The following HELQ variants were observed in gnomAD, a reference collection of about 807,000 sequenced individuals.
HELQ encodes helicase, POLQ like.
A neutral mutation model predicts 111.6 loss-of-function variants in HELQ; 77 were observed. The observed-to-expected ratio is 0.69, with a 90% CI of 0.57 to 0.83. HELQ has a LOEUF of 0.83. Among genes scored for constraint, HELQ ranks in the 40% least tolerant of loss-of-function variants. The pLI is 0.00. For synonymous variants in HELQ, 438 were observed against 454.7 expected, an observed-to-expected ratio of 0.96 and a Z score of 0.47; for missense variants, 1,200 against 1,288.5, an observed-to-expected ratio of 0.93 and a Z score of 1.05.
In HELQ at chr4:83,415,767, G is replaced by T. The variant is rs572329536; in HGVS notation, c.3198+964C>A. On this transcript the variant is annotated intron_variant, in intron 17 of 17. Transcript: ENST00000295488. ...CATGCCTCAGCTTCCTGAGTAGCTGGGATTACAGGTGTGGGCCTACAGGTG... is the reference window on the plus strand; with the variant it reads ...CATGCCTCAGCTTCCTGAGTAGCTGTGATTACAGGTGTGGGCCTACAGGTG... 5.8e-4 allele frequency among the ~76,000 whole-genome samples: 88 copies of T among 152,038 alleles called. 2 individuals are homozygous for T. In the South Asian group the frequency reaches 0.017, roughly 30 times the overall value.
intron 2 of HELQ, among the ~76,000 whole-genome samples, chr4:83,449,601 T>C (rs1721239319): frequency 6.6e-6 from 1 of 152,190 alleles, no homozygotes; most frequent in South Asian, 2.1e-4. Flanking sequence ...AGATCCAAGA[T>C]ACCGTGTGAA....
In HELQ at chr4:83,418,399, C is replaced by T. The variant is rs368274316; in HGVS notation, c.2950-193G>A. Among the ~76,000 whole-genome samples, 15 of 152,160 alleles carry T rather than the reference C, an allele frequency of 9.9e-5. 1 individual carries two copies. The highest frequency in any genetic ancestry group is 8.5e-4 in the Admixed American group (13 of 15,268). On this transcript the variant is annotated intron_variant, in intron 15 of 17. Coordinates refer to ENST00000295488, the MANE Select transcript of HELQ (RefSeq NM_133636.5). ...GGAGGACCCTGAGGAATTTGAGGAACTGGTTTTAGGATGAGGAAAAGATTG... is the reference window on the plus strand; with the variant it reads ...GGAGGACCCTGAGGAATTTGAGGAATTGGTTTTAGGATGAGGAAAAGATTG...
intron 9 of HELQ, among the ~76,000 whole-genome samples, chr4:83,432,909 A>G (rs1039938479): frequency 1.3e-5 from 2 of 151,890 alleles, no homozygotes; most frequent in African/African-American, 2.4e-5. Flanking sequence ...AACAACAAAA[A>G]ACTGGCTGGG....
intron 3 of HELQ, 63 bp downstream of exon 3, chr4:83,448,720 A>C (rs1721186212): frequency 7.5e-7 from 1 of 1,327,918 alleles, no homozygotes; most frequent in Non-Finnish European, 1.1e-6. Flanking sequence ...TATCACATTT[A>C]CAGATCTTAA....
chr4:83,430,636 A>C (rs1327412555), intron 11 of HELQ, among the ~76,000 whole-genome samples: 1 of 152,208 alleles, frequency 6.6e-6, no homozygotes, highest in East Asian at 1.9e-4. Flanking sequence ...ATGCTATTTC[A>C]ACTGGAAAAT....
At chr4:83,434,239 T>C (rs1407884491) in intron 9 of HELQ, among the ~76,000 whole-genome samples, 3 of 150,900 alleles carry the variant, frequency 2.0e-5, no homozygotes, top group African/African-American at 4.9e-5. Flanking sequence ...GGTGTGGTGG[T>C]GGGCGCCTGT....
rs750213854 is a variant in HELQ, at chr4:83,436,861, C to T, written c.2045G>A (p.Arg682Gln). 18 of 1,612,456 alleles carry T rather than the reference C, an allele frequency of 1.1e-5. No individual in the cohort carries two copies. The Admixed American group carries it at 1.2e-4, about 10-fold the overall frequency. The change falls in exon 9 of 18, where the codon CGA becomes CAA. Residue 682 changes from arginine to glutamine, a missense_variant. Physicochemically the swap from Arg to Gln is conservative, Grantham distance 43. This residue lies in a region of HELQ where 585 missense variants were observed against 665.3 expected (regional missense o/e 0.88). Coordinates refer to ENST00000295488, the MANE Select transcript of HELQ (RefSeq NM_133636.5). ...TLAAGVNLPA[R>Q]RVILRAPYVA... ...TCAACACTTACTTATCTCTTACCTT[C>T]GAGCTGGTAGGTTGACACCTGCCGC...
Position 83,439,911 on chromosome 4 carries a change from T to C in HELQ, c.1760A>G (p.Lys587Arg). 6.2e-7 allele frequency: 1 copy of C among 1,606,018 alleles called. No individual in the cohort carries two copies. The highest frequency in any genetic ancestry group is 8.5e-7 in the Non-Finnish European group (1 of 1,173,660). Reference protein sequence around the residue: ...NYSCLVFCPSKKNCENVAEMI... With the variant: ...NYSCLVFCPSRKNCENVAEMI... Reference sequence around the variant, plus strand: ...TTCTGCTACATTTTCACAGTTCTTCTTACTAGGACAAAAAACTAAGCAGGA... The same window carrying C: ...TTCTGCTACATTTTCACAGTTCTTCCTACTAGGACAAAAAACTAAGCAGGA... The change falls in exon 8 of 18, where the codon AAG becomes AGG. Residue 587 changes from lysine to arginine, a missense_variant. Physicochemically the swap from Lys to Arg is conservative, Grantham distance 26. Transcript: ENST00000295488.
intron 17 of HELQ, among the ~76,000 whole-genome samples, chr4:83,411,080 A>G (rs1206682443): frequency 1.0e-4 from 15 of 146,644 alleles, no homozygotes; most frequent in Non-Finnish European, 1.8e-4. Context: ...GGATCACCTG[A>G]GCTTGGGAGG....
At chr4:83,408,792 A>G (rs992651489) in intron 17 of HELQ, among the ~76,000 whole-genome samples, 5 of 151,996 alleles carry the variant, frequency 3.3e-5, no homozygotes, top group African/African-American at 1.2e-4. Context: ...CATGAACAAG[A>G]TAAGAGGGAA....
rs559792928 is a variant in HELQ, at chr4:83,412,164, C to T, written c.3198+4567G>A. ...ATTTCAGAACTGCTGCTGTGCACTACCCATTTTCCTTCTTTATGAATGAGA... is the reference window on the plus strand; with the variant it reads ...ATTTCAGAACTGCTGCTGTGCACTATCCATTTTCCTTCTTTATGAATGAGA... On this transcript the variant is annotated intron_variant, in intron 17 of 17. Coordinates refer to ENST00000295488, the MANE Select transcript of HELQ (RefSeq NM_133636.5). Among the ~76,000 whole-genome samples, 68 of 152,308 alleles carry T rather than the reference C, an allele frequency of 4.5e-4. 1 individual carries two copies. In the South Asian group the frequency reaches 0.013, roughly 30 times the overall value.
rs1172802420 is a variant in HELQ at position 83,416,819 on chromosome 4, T to C, written c.3110A>G (p.His1037Arg). ...CACTTCAGGATTTGCATTAGCTAAGTGCATTAGACTTTTGTAACCTGCACT... is the reference window on the plus strand; with the variant it reads ...CACTTCAGGATTTGCATTAGCTAAGCGCATTAGACTTTTGTAACCTGCACT... The part of the protein sequence containing the change: ...LYSAGYKSLM[H>R]LANANPEVLV... Residue 1037 changes from histidine to arginine, a missense_variant, in exon 17 of 18, where the codon CAC becomes CGC. By Grantham distance (29) the His-to-Arg change is conservative (BLOSUM62 0). This residue lies in a region of HELQ where 585 missense variants were observed against 665.3 expected (regional missense o/e 0.88). Transcript: ENST00000295488. The C allele has an allele frequency of 6.2e-7, 1 of 1,613,726 alleles. No individual in the cohort carries two copies. Among genetic ancestry groups the C allele is most frequent in the African/African-American group, 1.3e-5 (1 of 74,924 alleles).
Position 83,455,594 on chromosome 4 carries a change from G to A in HELQ, c.100C>T (p.Leu34Phe), listed in dbSNP as rs528331573. 2.7e-5 allele frequency: 43 copies of A among 1,614,114 alleles called. No homozygotes were observed. The highest frequency in any genetic ancestry group is 3.4e-5 in the Non-Finnish European group (40 of 1,180,026). Residue 34 changes from leucine (L) to phenylalanine (F), a missense_variant, in exon 1 of 18, where the codon CTC becomes TTC. Leu to Phe is a conservative substitution (Grantham distance 22). Around this residue, in one of 3 missense-constraint regions of HELQ, gnomAD observed 610 missense variants for 607.1 expected, o/e 1.00. Transcript: ENST00000295488. Reference protein sequence around the residue: ...CIFGAPTAAELVPGDEGKEEE... With the variant: ...CIFGAPTAAEFVPGDEGKEEE... ...TCTTTCCCCTCATCTCCGGGCACGA[G>A]CTCGGCCGCGGTGGGAGCGCCAAAA...
intron 2 of HELQ, 36 bp downstream of exon 2, chr4:83,453,195 G>T (rs769560644): frequency 1.5e-6 from 2 of 1,359,818 alleles, no homozygotes; most frequent in African/African-American, 1.5e-5. Context: ...GGTAATGATA[G>T]GAAAAAAATT....
At chr4:83,432,637 T>C (rs1720216975) in intron 9 of HELQ, among the ~76,000 whole-genome samples, 1 of 152,238 alleles carries the variant, frequency 6.6e-6, no homozygotes, top group Admixed American at 6.5e-5. Flanking sequence ...TTGGACTTTA[T>C]ACTCCATAAA....
In HELQ at chr4:83,436,849, A is replaced by C; in HGVS notation, c.2048+9T>G. 1 of 1,609,688 alleles carries C rather than the reference A, an allele frequency of 6.2e-7. No individual in the cohort carries two copies. Among genetic ancestry groups the C allele is most frequent in the South Asian group, 1.1e-5 (1 of 90,438 alleles). ...TTCTGAGCCTGGTCAACACTTACTTATCTCTTACCTTCGAGCTGGTAGGTT... is the reference window on the plus strand; with the variant it reads ...TTCTGAGCCTGGTCAACACTTACTTCTCTCTTACCTTCGAGCTGGTAGGTT... On this transcript the variant is annotated intron_variant, in intron 9 of 17. Coordinates refer to ENST00000295488, the MANE Select transcript of HELQ (RefSeq NM_133636.5).
At chr4:83,428,655 A>G (rs1235568325) in intron 12 of HELQ, among the ~76,000 whole-genome samples, 2 of 152,190 alleles carry the variant, frequency 1.3e-5, no homozygotes, top group South Asian at 2.1e-4. Context: ...CAGGAAAAAA[A>G]GCAAGTTGCA....
chr4:83,434,113 G>C (rs1477362931), intron 9 of HELQ, among the ~76,000 whole-genome samples: 1 of 152,072 alleles, frequency 6.6e-6, no homozygotes, highest in Non-Finnish European at 1.5e-5. Context: ...GCTCACACCT[G>C]TCAATCTAGC....
intron 7 of HELQ, among the ~76,000 whole-genome samples, chr4:83,440,930 A>G (rs1720724543): frequency 6.6e-6 from 1 of 152,236 alleles, no homozygotes; most frequent in Non-Finnish European, 1.5e-5. Flanking sequence ...TTTTTATTTC[A>G]TTCTTAAATA....
Sources: allele counts gnomAD v4.1 joint callset (sites outside exome capture counted in the v4.1 genomes callset), GRCh38; gene constraint gnomAD v4.1.1; regional missense constraint gnomAD v4.1.1; transcripts MANE v1.5; gene names NCBI Gene and HGNC (gene_info 2026-07-23, HGNC 2026-07-21).